ITPR3: variants seen among roughly 807,000 people sequenced by gnomAD.
The protein encoded by ITPR3 is inositol 1,4,5-trisphosphate receptor type 3, also known as inositol 1,4,5-trisphosphate-gated calcium channel ITPR3.
Under a neutral mutation model 293.2 loss-of-function variants are expected in ITPR3, and 173 were observed. That is an observed-to-expected ratio of 0.59 (90% CI 0.52 to 0.67). ITPR3 has a LOEUF of 0.67. Ranked by LOEUF, ITPR3 falls within the 30% of genes least tolerant of loss-of-function variation. The pLI is 0.00. For synonymous variants in ITPR3, 1,295 were observed against 1,444.4 expected (o/e 0.90, Z 2.35); for missense variants, 2,796 against 3,592.1 (o/e 0.78, Z 5.66).
chr6:33,648,969 G>A (rs1312395773), intron 2 of ITPR3, among the ~76,000 whole-genome samples: 1 of 152,002 alleles, frequency 6.6e-6, no homozygotes, highest in Non-Finnish European at 1.5e-5. Flanking sequence ...GCGCAATCTC[G>A]GCTCACTGCA....
chr6:33,673,849 T>A, intron 23 of ITPR3, 129 bp downstream of exon 23: 1 of 1,077,422 alleles, frequency 9.3e-7, no homozygotes, highest in Non-Finnish European at 1.3e-6. Flanking sequence ...TTCCACTGTC[T>A]CATTTAATTG....
At chr6:33,656,143 A>C in intron 3 of ITPR3, among the ~76,000 whole-genome samples, 1 of 152,318 alleles carries the variant, frequency 6.6e-6, no homozygotes, top group African/African-American at 2.4e-5. Context: ...AAAATTAATA[A>C]AAAATAAAAA....
intron 1 of ITPR3, among the ~76,000 whole-genome samples, chr6:33,639,682 C>CTGGATGGGTAGATGGGTGGATGGG (rs558269318): frequency 8.4e-4 from 128 of 151,702 alleles, no homozygotes; most frequent in African/African-American, 3.0e-3. Context: ...GGAAGGGTGG[C>CTGGATGGGTAGATGGGTGGATGGG]TGGATGGGTA....
rs1453375032 is a variant in ITPR3, at chr6:33,655,892, G to C, written c.282+5G>C. ...GTGTTGCTGCAGAAGCTGCAGGTAT[G>C]TGTGTGTGTGCAGGCGTGCATCTGT... On this transcript the variant is annotated splice_donor_5th_base_variant and intron_variant, in intron 3 of 57. Transcript: ENST00000605930. This position sits in a 1 kb window ranked among gnomAD's most constrained non-coding sequence, Gnocchi z 4.9. 1.2e-6 allele frequency: 2 copies of C among 1,608,162 alleles called. No homozygotes were observed. Among genetic ancestry groups the C allele is most frequent in the East Asian group, 2.2e-5 (1 of 44,576 alleles).
rs778145976 is a variant in ITPR3 at position 33,695,005 on chromosome 6, C to T, written c.7867C>T (p.Arg2623Trp). ...NEGEGEQNEI[R>W]ILQDKLNSTM... ...GGGCGAGGGGGAGCAGAATGAGATT[C>T]GGATTCTCCAGGACAAGCTCAACTC... The change falls in exon 57 of 58, where the codon CGG becomes TGG. Residue 2623 changes from arginine (R) to tryptophan (W), a missense_variant. By Grantham distance (101) the Arg-to-Trp change is moderately radical (BLOSUM62 -3). Around this residue, in one of 8 missense-constraint regions of ITPR3, gnomAD observed 568 missense variants for 796.1 expected, o/e 0.71. Transcript: ENST00000605930. 8.7e-6 allele frequency: 14 copies of T among 1,614,130 alleles called. No homozygotes were observed. In the South Asian group the frequency reaches 8.8e-5, roughly 10 times the overall value.
chr6:33,673,563 C>G, intron 22 of ITPR3, 28 bp from the exon 23 acceptor site: 1 of 1,613,040 alleles, frequency 6.2e-7, no homozygotes, highest in South Asian at 1.1e-5. Flanking sequence ...TCACCCCATC[C>G]TCACCTGACC....
chr6:33,685,682 G>C lies in ITPR3; in HGVS notation c.5522G>C (p.Arg1841Pro), dbSNP rs780095706. The C allele has an allele frequency of 1.4e-5, 22 of 1,598,422 alleles. No homozygotes were observed. In the South Asian group the frequency reaches 2.4e-4, roughly 17 times the overall value. Residue 1841 changes from arginine (R) to proline (P), a missense_variant, in exon 41 of 58, where the codon CGC (arginine) becomes CCC (proline). Arg to Pro is a moderately radical substitution (Grantham distance 103, BLOSUM62 -2). Transcript: ENST00000605930. ...TTCTCGATACCTGGCTCCTCATCCC[G>C]CTACTCGCTGGGCCCCAGCCTGCGC... ...ASFSIPGSSS[R>P]YSLGPSLRRG... is the part of the protein sequence containing the mutation.
intron 56 of ITPR3, chr6:33,694,698 CGGA>C: frequency 1.8e-6 from 1 of 550,656 alleles, no homozygotes; most frequent in Non-Finnish European, 3.2e-6. Flanking sequence ...CGCTGCCTAA[CGGA>C]AGTCAGCCTG....
intron 57 of ITPR3, chr6:33,695,395 T>C (rs1765515556): frequency 3.6e-6 from 2 of 554,862 alleles, no homozygotes; most frequent in Non-Finnish European, 6.4e-6. Context: ...TCACTGGAGA[T>C]GGGGGAGTTT....
Position 33,686,261 on chromosome 6 carries a change from G to A in ITPR3, c.5868+8G>A. 6.2e-7 allele frequency: 1 copy of A among 1,612,316 alleles called. No individual in the cohort carries two copies. The highest frequency in any genetic ancestry group is 8.5e-7 in the Non-Finnish European group (1 of 1,179,010). ...CCCTGCCATGAGAACCAGGTGAGCT[G>A]TCCTGGTGGCATAAGTGGCAGCCAG... On this transcript the variant is annotated splice_region_variant and intron_variant, in intron 42 of 57. Coordinates refer to ENST00000605930, the MANE Select transcript of ITPR3 (RefSeq NM_002224.4).
rs753164175 is a variant in ITPR3, at chr6:33,680,024, T to C, written c.4115T>C (p.Leu1372Pro). 2.5e-6 allele frequency: 4 copies of C among 1,613,882 alleles called. No individual in the cohort carries two copies. Among genetic ancestry groups the C allele is most frequent in the Non-Finnish European group, 3.4e-6 (4 of 1,180,038 alleles). Residue 1372 changes from leucine to proline, a missense_variant, in exon 31 of 58, where the codon CTG (leucine) becomes CCG (proline). Physicochemically the swap from Leu to Pro is moderately conservative, Grantham distance 98. Transcript: ENST00000605930. ...TACCACATTTCCCTGGTGGACCTGC[T>C]GGCCGCCTGTGCCGAGGGCAAAAAC... ...LMYHISLVDL[L>P]AACAEGKNVY...
chr6:33,680,788 G>T (rs1326661291), intron 33 of ITPR3, 108 bp downstream of exon 33: 40 of 1,116,934 alleles, frequency 3.6e-5, no homozygotes, highest in Non-Finnish European at 4.4e-5. Flanking sequence ...ACAGAAAGAA[G>T]TAACAAAAGG....
At position 33,684,765 on chromosome 6, in the gene ITPR3, C is replaced by T. The variant is rs77322067; in HGVS notation, c.5138-9C>T. ...CACCAGCTCTCCCTCAACCGAGTCC[C>T]GCCTCCAGGCCTGGACCCAGACTGG... On this transcript the variant is annotated splice_polypyrimidine_tract_variant and intron_variant, in intron 38 of 57. Coordinates refer to ENST00000605930, the MANE Select transcript of ITPR3 (RefSeq NM_002224.4). This position sits in a 1 kb window ranked among gnomAD's most constrained non-coding sequence, Gnocchi z 4.2. The T allele has an allele frequency of 0.03, 48,252 of 1,609,788 alleles. 878 individuals carry two copies. Among genetic ancestry groups the T allele is most frequent in the Non-Finnish European group, 0.037 (43,575 of 1,177,056 alleles).
rs1334137284 is a variant in ITPR3, at chr6:33,679,386, G to A, written c.3973-496G>A. Among the ~76,000 whole-genome samples the A allele has an allele frequency of 6.6e-6, 1 of 152,186 alleles. No individual in the cohort carries two copies. Among genetic ancestry groups the A allele is most frequent in the Non-Finnish European group, 1.5e-5 (1 of 68,022 alleles). ...AGCATCTGACAGTGTAGGCGGCAGGGGGAGAAAGAAGCAAACACTGAAGGG... is the reference window on the plus strand; with the variant it reads ...AGCATCTGACAGTGTAGGCGGCAGGAGGAGAAAGAAGCAAACACTGAAGGG... On this transcript the variant is annotated intron_variant, in intron 30 of 57. Transcript: ENST00000605930. The surrounding 1 kb of genome is among the most constrained non-coding windows in gnomAD (Gnocchi z 4.2).
chr6:33,654,024 T>C lies in ITPR3; in HGVS notation c.161-1742T>C, dbSNP rs1482495622. On this transcript the variant is annotated intron_variant, in intron 2 of 57. Transcript: ENST00000605930. The surrounding 1 kb of genome is among the most constrained non-coding windows in gnomAD (Gnocchi z 4.1). ...GGCTCACGCCTGTAATCCCAGCACT[T>C]TTGTAGGCCGAAGTGGGTGGATCAC... Among the ~76,000 whole-genome samples the C allele has an allele frequency of 6.6e-6, 1 of 152,116 alleles. No individual in the cohort carries two copies. Among genetic ancestry groups the C allele is most frequent in the Non-Finnish European group, 1.5e-5 (1 of 68,002 alleles).
At chr6:33,689,076 T>C (rs947390316) in intron 49 of ITPR3, among the ~76,000 whole-genome samples, 162 bp from the exon 50 acceptor site, 2 of 152,216 alleles carry the variant, frequency 1.3e-5, no homozygotes, top group Admixed American at 1.3e-4. Context: ...GGCCTCCCGC[T>C]TAGGCCTGAG....
Position 33,667,280 on chromosome 6 carries a change from G to A in ITPR3, c.1703G>A (p.Arg568His). ...TTGCGGCATTCCCAGGAGGACTACC[G>A]CAAGAACCAGGTGCGCCGCTGCCCT... ...RVLRHSQEDY[R>H]KNQEHIAKQF... Residue 568 changes from arginine (R) to histidine (H), a missense_variant, in exon 15 of 58, where the codon CGC becomes CAC. This residue lies in a region of ITPR3 where 955 missense variants were observed against 1,180.8 expected (regional missense o/e 0.81). Transcript: ENST00000605930. This position sits in a 1 kb window ranked among gnomAD's most constrained non-coding sequence, Gnocchi z 4.4. The A allele has an allele frequency of 6.2e-7, 1 of 1,612,052 alleles. No homozygotes were observed. The highest frequency in any genetic ancestry group is 8.5e-7 in the Non-Finnish European group (1 of 1,179,642).
In ITPR3 at chr6:33,682,610, C is replaced by T. The variant is rs571319160; in HGVS notation, c.4563C>T (p.Ser1521=). ...CPWLQQQHKG[S]VEACIRTLAM... Reference sequence around the variant, plus strand: ...GGCTACAGCAGCAGCACAAGGGCTCCGTGGAGGCCTGCATCCGGACCCTCG... The same window carrying T: ...GGCTACAGCAGCAGCACAAGGGCTCTGTGGAGGCCTGCATCCGGACCCTCG... Residue 1521 remains serine (S), a synonymous_variant, in exon 34 of 58, where the codon TCC becomes TCT. Coordinates refer to ENST00000605930, the MANE Select transcript of ITPR3 (RefSeq NM_002224.4). The surrounding 1 kb of genome is among the most constrained non-coding windows in gnomAD (Gnocchi z 5.4). The T allele has an allele frequency of 2.6e-5, 41 of 1,597,892 alleles. 1 individual carries two copies. The highest frequency in any genetic ancestry group is 9.0e-5 in the South Asian group (8 of 88,890).
chr6:33,631,531 C>T (rs1251209433), intron 1 of ITPR3, among the ~76,000 whole-genome samples: 1 of 152,220 alleles, frequency 6.6e-6, no homozygotes, highest in Non-Finnish European at 1.5e-5. Flanking sequence ...TTCACTATTT[C>T]TTCTACCGCT....
Sources: allele counts gnomAD v4.1 joint callset (sites outside exome capture counted in the v4.1 genomes callset), GRCh38; gene constraint gnomAD v4.1.1; regional missense constraint gnomAD v4.1.1; non-coding constraint Gnocchi (gnomAD v3.1); transcripts MANE v1.5; gene names NCBI Gene and HGNC (gene_info 2026-07-23, HGNC 2026-07-21).